The following MIPOL1 variants were observed in gnomAD, a reference collection of about 807,000 sequenced individuals.
The protein encoded by MIPOL1 is mirror-image polydactyly 1.
MIPOL1 carries 57 observed loss-of-function variants against 60.9 expected under a neutral mutation model. The observed-to-expected ratio is 0.94, with a 90% CI of 0.76 to 1.17. The LOEUF is 1.17. Among genes scored for constraint, MIPOL1 ranks in the 50% most tolerant of loss-of-function variants. The pLI is 0.00. For synonymous variants in MIPOL1, 179 were observed against 168.8 expected (o/e 1.06, Z -0.47); for missense variants, 551 against 511.6 (o/e 1.08, Z -0.74).
At chr14:37,343,298 A>C (rs1332293588) in intron 9 of MIPOL1, among the ~76,000 whole-genome samples, 1 of 152,104 alleles carries the variant, frequency 6.6e-6, no homozygotes, top group Non-Finnish European at 1.5e-5. Context: ...AGTTTAAAAA[A>C]ACTCTTTATT....
At chr14:37,472,570 C>A (rs1348942032) in intron 11 of MIPOL1, among the ~76,000 whole-genome samples, 1 of 152,072 alleles carries the variant, frequency 6.6e-6, no homozygotes, top group African/African-American at 2.4e-5. Flanking sequence ...GATATGATAG[C>A]TTATTTTTAA....
intron 12 of MIPOL1, among the ~76,000 whole-genome samples, chr14:37,522,378 G>A (rs1020580561): frequency 3.9e-5 from 6 of 152,076 alleles, no homozygotes; most frequent in Admixed American, 6.6e-5. Context: ...TTTTCCCATC[G>A]TGGACAAAGT....
intron 11 of MIPOL1, among the ~76,000 whole-genome samples, chr14:37,478,794 A>G (rs1317094982): frequency 6.6e-6 from 1 of 152,128 alleles, no homozygotes; most frequent in Non-Finnish European, 1.5e-5. Context: ...AAAAGCTGTA[A>G]AAAATAGGAA....
At chr14:37,478,528 CA>C (rs1368512076) in intron 11 of MIPOL1, among the ~76,000 whole-genome samples, 1 of 151,762 alleles carries the variant, frequency 6.6e-6, no homozygotes, top group Non-Finnish European at 1.5e-5. Context: ...ACAAAACCAC[CA>C]GAAAACAATT....
intron 11 of MIPOL1, among the ~76,000 whole-genome samples, chr14:37,478,824 A>G (rs1402713270): frequency 6.6e-6 from 1 of 152,128 alleles, no homozygotes; most frequent in Non-Finnish European, 1.5e-5. Flanking sequence ...ATGATAGAGG[A>G]GAGGGTTTAT....
At chr14:37,532,405 A>C (rs1042712621) in intron 12 of MIPOL1, among the ~76,000 whole-genome samples, 1 of 152,162 alleles carries the variant, frequency 6.6e-6, no homozygotes, top group Admixed American at 6.5e-5. Flanking sequence ...TAATACTAAC[A>C]CTTTAACGCA....
chr14:37,291,994 C>T (rs909599609), intron 7 of MIPOL1, among the ~76,000 whole-genome samples: 6 of 141,960 alleles, frequency 4.2e-5, no homozygotes, highest in East Asian at 2.1e-4. Context: ...GGTGCAATCT[C>T]GGCACACTGC....
At chr14:37,356,448 C>T (rs1595362795) in intron 9 of MIPOL1, among the ~76,000 whole-genome samples, 1 of 152,298 alleles carries the variant, frequency 6.6e-6, no homozygotes, top group South Asian at 2.1e-4. Flanking sequence ...GTTCGAGCTT[C>T]CAGGCTGCTT....
At chr14:37,403,892 G>A (rs1414943405) in intron 10 of MIPOL1, among the ~76,000 whole-genome samples, 3 of 152,210 alleles carry the variant, frequency 2.0e-5, no homozygotes, top group African/African-American at 7.2e-5. Flanking sequence ...TTTCAGAAAG[G>A]CAGTGTCTTT....
intron 10 of MIPOL1, among the ~76,000 whole-genome samples, chr14:37,407,989 A>G (rs1434349620): frequency 6.7e-6 from 1 of 150,030 alleles, no homozygotes; most frequent in African/African-American, 2.4e-5. Context: ...AACTGAAACT[A>G]CAGGTGTGCA....
intron 11 of MIPOL1, among the ~76,000 whole-genome samples, chr14:37,450,444 CTT>C (rs1380463664): frequency 3.3e-5 from 5 of 152,102 alleles, no homozygotes; most frequent in Non-Finnish European, 5.9e-5. Flanking sequence ...TATTCTTTCT[CTT>C]TTCTTGCTTC....
At chr14:37,296,546 A>G (rs545012632) in intron 7 of MIPOL1, among the ~76,000 whole-genome samples, 144 of 152,344 alleles carry the variant, frequency 9.5e-4, no homozygotes, top group African/African-American at 3.2e-3. Context: ...AACAAAATTG[A>G]TAGACCATTA....
intron 12 of MIPOL1, among the ~76,000 whole-genome samples, chr14:37,514,475 C>A (rs575920970): frequency 1.8e-4 from 27 of 152,248 alleles, no homozygotes; most frequent in Non-Finnish European, 3.7e-4. Context: ...CCTGCAAAAA[C>A]ATTGCTCAAT....
At chr14:37,543,987 C>T (rs1234371168) in intron 12 of MIPOL1, among the ~76,000 whole-genome samples, 1 of 152,148 alleles carries the variant, frequency 6.6e-6, no homozygotes, top group African/African-American at 2.4e-5. Flanking sequence ...AATACTGAAA[C>T]ATGCATAAGA....
At chr14:37,403,663 C>A (rs1364739468) in intron 10 of MIPOL1, among the ~76,000 whole-genome samples, 1 of 151,620 alleles carries the variant, frequency 6.6e-6, no homozygotes, top group East Asian at 1.9e-4. Flanking sequence ...TTCTGTTCAT[C>A]GTTTTTTATT....
intron 11 of MIPOL1, among the ~76,000 whole-genome samples, chr14:37,497,741 T>C (rs1047328989): frequency 2.6e-5 from 4 of 152,162 alleles, no homozygotes; most frequent in African/African-American, 7.2e-5. Context: ...GCATCCATAT[T>C]ACAATAACTA....
At chr14:37,230,823 A>G (rs1970507466) in intron 1 of MIPOL1, among the ~76,000 whole-genome samples, 1 of 152,230 alleles carries the variant, frequency 6.6e-6, no homozygotes, top group African/African-American at 2.4e-5. Context: ...ACTGCATGGC[A>G]AACAAGGGAA....
chr14:37,285,472 A>G (rs376494856), intron 7 of MIPOL1, 25 bp downstream of exon 7: 68 of 1,607,766 alleles, frequency 4.2e-5, no homozygotes, highest in Non-Finnish European at 5.4e-5. Context: ...AAAACTCAGT[A>G]TGATATTAGG....
At chr14:37,355,142 A>G (rs1229730453) in intron 9 of MIPOL1, among the ~76,000 whole-genome samples, 5 of 149,738 alleles carry the variant, frequency 3.3e-5, no homozygotes, top group African/African-American at 4.9e-5. Context: ...TCTGTAAAGT[A>G]TTTTATTTCT....
Sources: gnomAD v4.1 joint callset for allele counts (sites outside exome capture counted in the v4.1 genomes callset) on GRCh38, gnomAD v4.1.1 for gene constraint, MANE v1.5 for transcripts, NCBI Gene and HGNC (gene_info 2026-07-23, HGNC 2026-07-21) for gene names.